The following UNC13C variants were observed in gnomAD, a reference collection of about 807,000 sequenced individuals.
UNC13C encodes the protein unc-13 homolog C.
Under a neutral mutation model 245.4 loss-of-function variants are expected in UNC13C, and 174 were observed. That is an observed-to-expected ratio of 0.71 (90% confidence interval 0.63 to 0.80). UNC13C has a LOEUF of 0.80. Among genes scored for constraint, UNC13C ranks in the 30% least tolerant of loss-of-function variants. UNC13C has a pLI of 0.00. For synonymous variants in UNC13C, 992 were observed against 895.1 expected (o/e 1.11, Z -1.93); for missense variants, 2,829 against 2,602.9 (o/e 1.09, Z -1.89).
rs761288675 is a variant in UNC13C, at chr15:54,013,110, T to A, written c.207T>A (p.Cys69Ter). The A allele has an allele frequency of 1.2e-6, 2 of 1,613,888 alleles. No homozygotes were observed. The highest frequency in any genetic ancestry group is 2.2e-5 in the South Asian group (2 of 91,080). Residue 69 changes from cysteine (C) to a stop codon, truncating the protein, a stop_gained, in exon 2 of 33, where the codon TGT becomes TGA. Coordinates refer to ENST00000260323, the MANE Select transcript of UNC13C (RefSeq NM_001080534.3). LOFTEE classifies it high-confidence loss of function. ...GCACTGTAAAGAAGATTGCAAAGTG[T>A]TCATCCACTCACAACTTATCCACTG... is the stretch of plus-strand genomic sequence containing the variant. ...FKSTVKKIAK[C>*]SSTHNLSTEE...
At chr15:54,047,503 T>A (rs1051973071) in intron 2 of UNC13C, among the ~76,000 whole-genome samples, 4 of 152,170 alleles carry the variant, frequency 2.6e-5, no homozygotes, top group Non-Finnish European at 5.9e-5. Context: ...AGTGGTATCA[T>A]AATTGATCTT....
At chr15:54,214,682 A>G (rs1364299139) in intron 4 of UNC13C, among the ~76,000 whole-genome samples, 1 of 151,950 alleles carries the variant, frequency 6.6e-6, no homozygotes, top group Non-Finnish European at 1.5e-5. Context: ...TGGAGATTTG[A>G]TTCTACTTAA....
chr15:54,516,819 G>C (rs902540182), intron 24 of UNC13C, among the ~76,000 whole-genome samples: 1 of 94,826 alleles, frequency 1.1e-5, no homozygotes, highest in African/African-American at 4.3e-5. Flanking sequence ...AAAAGTATCA[G>C]ATAATTAGAA....
rs749938273 is a variant in UNC13C, at chr15:54,014,751, G to A, written c.1848G>A (p.Gln616=). The change falls in exon 2 of 33, where the codon CAG becomes CAA. Residue 616 remains glutamine, a synonymous_variant. Coordinates refer to ENST00000260323, the MANE Select transcript of UNC13C (RefSeq NM_001080534.3). ...GAGGTGTTCAGGGTATCCAAGGGCA[G>A]ACTGAAACTGAAAACACAGAAACTG... The part of the protein sequence containing the change: ...LNGGVQGIQG[Q]TETENTETVD... The A allele has an allele frequency of 3.2e-5, 52 of 1,613,792 alleles. No individual in the cohort carries two copies. Among genetic ancestry groups the A allele is most frequent in the Non-Finnish European group, 4.2e-5 (49 of 1,179,844 alleles).
At chr15:54,125,889 C>G (rs2031005225) in intron 2 of UNC13C, among the ~76,000 whole-genome samples, 2 of 151,972 alleles carry the variant, frequency 1.3e-5, no homozygotes, top group African/African-American at 4.8e-5. Context: ...TGGTCTTTTT[C>G]CATTGATTAC....
At chr15:54,618,909 TCAAAAAACAAAA>T (rs1278929388) in intron 30 of UNC13C, among the ~76,000 whole-genome samples, 82 of 152,138 alleles carry the variant, frequency 5.4e-4, no homozygotes, top group Non-Finnish European at 4.4e-5. Context: ...AGACATTTTG[TCAAAAAACAAAA>T]CAAAAAACCT....
chr15:54,621,156 G>GAT (rs775739315), intron 30 of UNC13C, among the ~76,000 whole-genome samples: 27 of 152,144 alleles, frequency 1.8e-4, no homozygotes, highest in Non-Finnish European at 3.1e-4. Flanking sequence ...ATTCTCTCAA[G>GAT]ATAGAAACTG....
chr15:54,238,635 A>G (rs2035770718), intron 7 of UNC13C, among the ~76,000 whole-genome samples: 1 of 152,230 alleles, frequency 6.6e-6, no homozygotes. Context: ...TATTTTTATT[A>G]CAATTATTTT....
At chr15:54,058,659 A>G (rs1897655252) in intron 2 of UNC13C, among the ~76,000 whole-genome samples, 1 of 152,208 alleles carries the variant, frequency 6.6e-6, no homozygotes, top group Admixed American at 6.5e-5. Context: ...ACACAACCAA[A>G]ATAGAGAATT....
the UNC13C span, among the ~76,000 whole-genome samples, chr15:53,918,220 G>A: frequency 3.3e-5 from 5 of 152,196 alleles, no homozygotes; most frequent in Non-Finnish European, 7.3e-5. Context: ...CAACAGGGAC[G>A]CAAATCCGTG....
At chr15:53,869,395 CATT>C in the UNC13C span, among the ~76,000 whole-genome samples, 1 of 148,692 alleles carries the variant, frequency 6.7e-6, no homozygotes, top group African/African-American at 2.5e-5. Flanking sequence ...AGAAGAAAAT[CATT>C]AATATTTTAC....
intron 31 of UNC13C, 145 bp downstream of exon 31, chr15:54,622,564 T>A (rs1900863020): frequency 3.4e-6 from 2 of 595,294 alleles, no homozygotes; most frequent in Admixed American, 5.9e-5. Context: ...AACCCAAACT[T>A]TTGATTAAAA....
chr15:54,137,944 T>A (rs1567042181), intron 2 of UNC13C, among the ~76,000 whole-genome samples: 1 of 152,162 alleles, frequency 6.6e-6, no homozygotes, highest in Non-Finnish European at 1.5e-5. Context: ...TTTTTTTAAA[T>A]GTGGGTATTT....
intron 1 of UNC13C, among the ~76,000 whole-genome samples, chr15:53,985,987 G>A (rs941926198): frequency 6.6e-6 from 1 of 151,828 alleles, no homozygotes; most frequent in African/African-American, 2.4e-5. Context: ...ACTACTGTGG[G>A]TCCTGCTTGA....
At chr15:54,588,568 T>C (rs543446888) in intron 30 of UNC13C, among the ~76,000 whole-genome samples, 17 of 152,314 alleles carry the variant, frequency 1.1e-4, no homozygotes, top group African/African-American at 3.6e-4. Flanking sequence ...AATTCTTTAG[T>C]GATTTGTGAG....
chr15:54,526,326 G>T (rs913745578), intron 25 of UNC13C, among the ~76,000 whole-genome samples: 5 of 152,128 alleles, frequency 3.3e-5, no homozygotes, highest in African/African-American at 1.2e-4. Flanking sequence ...AGCTAGGAAA[G>T]AAAATATATT....
intron 18 of UNC13C, among the ~76,000 whole-genome samples, chr15:54,412,204 T>C (rs1254554968): frequency 6.6e-6 from 1 of 150,472 alleles, no homozygotes; most frequent in Non-Finnish European, 1.5e-5. Flanking sequence ...AGACTTCATC[T>C]GAAAAAAAAA....
chr15:54,059,487 A>G (rs11071020), intron 2 of UNC13C, among the ~76,000 whole-genome samples: 128,965 of 151,644 alleles, frequency 0.85, 55,054 homozygotes, highest in Middle Eastern at 0.92. Context: ...ATGGAAGAAC[A>G]TTCCATGCTC....
Position 54,264,334 on chromosome 15 carries a change from G to A in UNC13C, c.3615G>A (p.Lys1205=), listed in dbSNP as rs774917478. 3 of 1,606,776 alleles carry A rather than the reference G, an allele frequency of 1.9e-6. No homozygotes were observed. The highest frequency in any genetic ancestry group is 1.3e-5 in the African/African-American group (1 of 74,690). The change falls in exon 9 of 33, where the codon AAG becomes AAA. Residue 1205 remains lysine, a synonymous_variant. Coordinates refer to ENST00000260323, the MANE Select transcript of UNC13C (RefSeq NM_001080534.3). Reference sequence around the variant, plus strand: ...AAGAAGATTTTGTGCAGTTTACAAAGGCGGCCAAACAGAGTGTACTGGATG... The same window carrying A: ...AAGAAGATTTTGTGCAGTTTACAAAAGCGGCCAAACAGAGTGTACTGGATG... ...ISKEDFVQFT[K]AAKQSVLDGT...
Sources: gnomAD v4.1 joint callset for allele counts (sites outside exome capture counted in the v4.1 genomes callset) on GRCh38, gnomAD v4.1.1 for gene constraint, MANE v1.5 for transcripts, NCBI Gene and HGNC (gene_info 2026-07-23, HGNC 2026-07-21) for gene names.